Variants in CYB5R4 observed in about 807,000 individuals in gnomAD.
The protein encoded by CYB5R4 is N-terminal cytochrome b5 and cytochrome b5 oxidoreductase domain-containing protein.
CYB5R4 carries 55 observed loss-of-function variants against 70.2 expected under a neutral mutation model. The observed-to-expected ratio is 0.78, with a 90% CI of 0.63 to 0.98. The LOEUF is 0.98. CYB5R4 is among the 50% of genes least tolerant of loss of function. The pLI is 0.00. For missense variants in CYB5R4, 562 were observed against 612.6 expected, an observed-to-expected ratio of 0.92 and a Z score of 0.87; for synonymous variants, 197 against 199.5, an observed-to-expected ratio of 0.99 and a Z score of 0.11.
chr6:83,906,949 T>A (rs2099463869), intron 3 of CYB5R4, among the ~76,000 whole-genome samples: 1 of 152,238 alleles, frequency 6.6e-6, no homozygotes, highest in Non-Finnish European at 1.5e-5. Flanking sequence ...AATTGGACAT[T>A]TAAATTGTTT....
chr6:83,921,018 T>C (rs1274670006), intron 7 of CYB5R4, 64 bp from the exon 8 acceptor site: 2 of 1,225,822 alleles, frequency 1.6e-6, no homozygotes, highest in African/African-American at 1.6e-5. Flanking sequence ...CTTAAAAGTA[T>C]AGTTGTAGAA....
intron 15 of CYB5R4, among the ~76,000 whole-genome samples, chr6:83,956,476 G>C (rs1398046984): frequency 6.6e-6 from 1 of 152,148 alleles, no homozygotes. Context: ...CACAGAAAGG[G>C]AATGTTCAGG....
chr6:83,881,693 G>A (rs1588562496), intron 2 of CYB5R4, among the ~76,000 whole-genome samples: 4 of 152,210 alleles, frequency 2.6e-5, no homozygotes, highest in Admixed American at 2.6e-4. Flanking sequence ...CCAGAACTTA[G>A]TTGCTGTCAT....
chr6:83,870,757 C>G (rs1244350704), intron 2 of CYB5R4, among the ~76,000 whole-genome samples: 1 of 151,872 alleles, frequency 6.6e-6, no homozygotes, highest in African/African-American at 2.4e-5. Flanking sequence ...GATTAAAACC[C>G]ACTGTATTTG....
At chr6:83,941,981 C>A (rs1249240485) in intron 14 of CYB5R4, among the ~76,000 whole-genome samples, 2 of 152,104 alleles carry the variant, frequency 1.3e-5, no homozygotes, top group Non-Finnish European at 2.9e-5. Context: ...GAAAATAATG[C>A]TGTCTTTTCT....
chr6:83,953,512 G>A (rs180816079), intron 14 of CYB5R4, among the ~76,000 whole-genome samples: 2 of 152,140 alleles, frequency 1.3e-5, no homozygotes, highest in East Asian at 3.9e-4. Context: ...GAAAAGCTGG[G>A]GCCCCAAGTA....
At chr6:83,915,369 A>G (rs2099465339) in intron 5 of CYB5R4, among the ~76,000 whole-genome samples, 1 of 152,186 alleles carries the variant, frequency 6.6e-6, no homozygotes, top group African/African-American at 2.4e-5. Context: ...GAAATAGTCT[A>G]TATTGTGGAC....
At chr6:83,956,674 C>T (rs914039288) in intron 15 of CYB5R4, among the ~76,000 whole-genome samples, 1 of 152,120 alleles carries the variant, frequency 6.6e-6, no homozygotes, top group Non-Finnish European at 1.5e-5. Flanking sequence ...TTTACAGATG[C>T]AAATTTTCCC....
At chr6:83,923,263 C>G (rs1199421245) in intron 9 of CYB5R4, among the ~76,000 whole-genome samples, 1 of 152,144 alleles carries the variant, frequency 6.6e-6, no homozygotes, top group Non-Finnish European at 1.5e-5. Flanking sequence ...GAAGACTCAT[C>G]ATAGAATGGT....
chr6:83,940,710 A>G, intron 14 of CYB5R4, 109 bp downstream of exon 14: 1 of 1,204,080 alleles, frequency 8.3e-7, no homozygotes, highest in Non-Finnish European at 1.1e-6. Context: ...TCCTTCAAAG[A>G]AAAAAAATAA....
At chr6:83,925,021 G>A (rs61763836) in intron 10 of CYB5R4, among the ~76,000 whole-genome samples, 70 of 152,100 alleles carry the variant, frequency 4.6e-4, no homozygotes, top group African/African-American at 1.7e-3. Context: ...TCTTGTATTA[G>A]TCTCTTCTCA....
intron 3 of CYB5R4, among the ~76,000 whole-genome samples, chr6:83,897,396 C>A (rs1186766746): frequency 1.3e-5 from 2 of 152,158 alleles, no homozygotes; most frequent in Non-Finnish European, 2.9e-5. Context: ...GATTTATAAT[C>A]CTTTGGGTAT....
In CYB5R4 at chr6:83,905,351, G is replaced by GT. The variant is rs201484328; in HGVS notation, c.331-3650dup. ...AGCCACTGCGCCCGGCCCTTTTTCA[G>GT]TTTTTTTTAAATTTGCTTTCATATG... On this transcript the variant is annotated intron_variant, in intron 3 of 15. Transcript: ENST00000369681. Among the ~76,000 whole-genome samples, 498 of 152,076 alleles carry GT rather than the reference G, an allele frequency of 3.3e-3. 3 individuals are homozygous for GT. Among genetic ancestry groups the GT allele is most frequent in the African/African-American group, 0.011 (460 of 41,500 alleles).
intron 1 of CYB5R4, 114 bp from the exon 2 acceptor site, chr6:83,864,061 C>T (rs2099456391): frequency 1.1e-5 from 10 of 930,062 alleles, no homozygotes; most frequent in African/African-American, 1.7e-5. Context: ...ATGTTGACAG[C>T]CTCTTAAAAC....
intron 4 of CYB5R4, among the ~76,000 whole-genome samples, chr6:83,912,012 T>C (rs939447492): frequency 2.9e-5 from 4 of 135,794 alleles, no homozygotes; most frequent in Non-Finnish European, 6.1e-5. Flanking sequence ...AGCCGAGATA[T>C]CACCACTGCA....
intron 14 of CYB5R4, among the ~76,000 whole-genome samples, chr6:83,942,001 A>C (rs2099469843): frequency 6.6e-6 from 1 of 152,136 alleles, no homozygotes; most frequent in African/African-American, 2.4e-5. Context: ...TACTTCATAA[A>C]GTATTGTGAG....
rs566844166 is a variant in CYB5R4 at position 83,882,915 on chromosome 6, A to T, written c.230-10607A>T. Among the ~76,000 whole-genome samples the T allele has an allele frequency of 1.0e-3, 152 of 152,322 alleles. 1 individual carries two copies. Among genetic ancestry groups the T allele is most frequent in the South Asian group, 1.4e-3 (7 of 4,830 alleles). The stretch of plus-strand genomic sequence containing the variant: ...CCTGAGCCCTGGAAGCAGAGGTTGC[A>T]GTGAGCCGAGATTGCACCACTACAC... On this transcript the variant is annotated intron_variant, in intron 2 of 15. Coordinates refer to ENST00000369681, the MANE Select transcript of CYB5R4 (RefSeq NM_016230.4).
At chr6:83,910,324 A>G in intron 4 of CYB5R4, 1 of 590,262 alleles carries the variant, frequency 1.7e-6, no homozygotes, top group Non-Finnish European at 3.0e-6. Flanking sequence ...TCAGAGACTA[A>G]CTGATAGGGG....
At chr6:83,870,084 T>G (rs1347164478) in intron 2 of CYB5R4, among the ~76,000 whole-genome samples, 1 of 152,188 alleles carries the variant, frequency 6.6e-6, no homozygotes, top group Non-Finnish European at 1.5e-5. Context: ...GAAGGTGTCT[T>G]TAAACAGCAA....
Sources: gnomAD v4.1 joint callset for allele counts (sites outside exome capture counted in the v4.1 genomes callset) on GRCh38, gnomAD v4.1.1 for gene constraint, MANE v1.5 for transcripts, NCBI Gene and HGNC (gene_info 2026-07-23, HGNC 2026-07-21) for gene names.